Variants in LINGO1 observed in about 807,000 individuals in gnomAD.
The protein encoded by LINGO1 is leucine rich repeat and Ig domain containing 1.
In LINGO1, 11 loss-of-function variants were observed where a neutral mutation model predicts 37.3. The ratio of observed to expected loss-of-function variants is 0.29; its 90% confidence interval spans 0.19 to 0.49. The LOEUF is 0.49. Ranked by LOEUF, LINGO1 falls within the 20% of genes least tolerant of loss-of-function variation. LINGO1 has a pLI of 0.99. For synonymous variants in LINGO1, 387 were observed against 403.0 expected (o/e 0.96, Z 0.48); for missense variants, 585 against 878.2 (o/e 0.67, Z 4.22).
intron 2 of LINGO1, among the ~76,000 whole-genome samples, chr15:77,682,280 G>A (rs2075429159): frequency 1.0e-5 from 1 of 96,910 alleles, no homozygotes; most frequent in Non-Finnish European, 2.1e-5. Context: ...AGATTAAAGT[G>A]TGTGTGTGTG....
At chr15:77,806,170 C>T (rs2076958154) in intron 1 of LINGO1, among the ~76,000 whole-genome samples, 1 of 152,158 alleles carries the variant, frequency 6.6e-6, no homozygotes, top group Non-Finnish European at 1.5e-5. Flanking sequence ...GGAGGGCTTC[C>T]CGGCAGATAA....
rs183641407 is a variant in LINGO1 at position 77,685,137 on chromosome 15, G to C, written c.-99+5583C>G. Among the ~76,000 whole-genome samples the C allele has an allele frequency of 6.0e-5, 9 of 150,752 alleles. No homozygotes were observed. In the East Asian group the frequency reaches 1.8e-3, roughly 30 times the overall value. Reference sequence around the variant, plus strand: ...GAGTCATTGGTTGTGGCTGGAGCAAGGTGGGAAGCTGCAGGGGATGGGGTG... The same window carrying C: ...GAGTCATTGGTTGTGGCTGGAGCAACGTGGGAAGCTGCAGGGGATGGGGTG... On this transcript the variant is annotated intron_variant, in intron 2 of 3. Transcript: ENST00000559893.
At chr15:77,755,016 T>C (rs2076406334) in intron 1 of LINGO1, among the ~76,000 whole-genome samples, 1 of 152,138 alleles carries the variant, frequency 6.6e-6, no homozygotes, top group South Asian at 2.1e-4. Context: ...AGGTATGGCC[T>C]CTCCCTCTGC....
intron 3 of LINGO1, among the ~76,000 whole-genome samples, chr15:77,653,590 C>T (rs983426703): frequency 9.2e-5 from 14 of 152,146 alleles, no homozygotes; most frequent in African/African-American, 3.4e-4. Flanking sequence ...ATCTGTTAAA[C>T]GAGGCACGGG....
intron 1 of LINGO1, among the ~76,000 whole-genome samples, chr15:77,818,459 C>A (rs2077066166): frequency 6.6e-6 from 1 of 152,178 alleles, no homozygotes; most frequent in African/African-American, 2.4e-5. Flanking sequence ...TAGAGTGAGG[C>A]ACGCGGGGGC....
At chr15:77,801,624 A>G (rs1414409996) in intron 1 of LINGO1, among the ~76,000 whole-genome samples, 1 of 151,740 alleles carries the variant, frequency 6.6e-6, no homozygotes, top group Admixed American at 6.6e-5. Flanking sequence ...TCAGACCCTA[A>G]TAGGAAATGC....
chr15:77,622,438 TC>T (rs907525437), intron 1 of LINGO1, among the ~76,000 whole-genome samples: 6 of 152,068 alleles, frequency 3.9e-5, no homozygotes, highest in African/African-American at 1.2e-4. Context: ...CACAGCCCCG[TC>T]CCGGCCACTC....
chr15:77,723,860 C>T (rs1411486426), intron 2 of LINGO1, among the ~76,000 whole-genome samples: 1 of 151,998 alleles, frequency 6.6e-6, no homozygotes, highest in Non-Finnish European at 1.5e-5. Flanking sequence ...GGAGCCGAGG[C>T]GGCTGTGAGG....
intron 1 of LINGO1, among the ~76,000 whole-genome samples, chr15:77,808,989 A>T (rs1401916838): frequency 1.3e-5 from 2 of 152,228 alleles, no homozygotes; most frequent in Admixed American, 1.3e-4. Context: ...CGTGCCGGCT[A>T]GGAGCAAAGG....
At position 77,615,057 on chromosome 15, in the gene LINGO1, G is replaced by A. The variant is rs2073656164; in HGVS notation, c.850C>T (p.Arg284Cys). 2.5e-6 allele frequency: 4 copies of A among 1,613,908 alleles called. No individual in the cohort carries two copies. Among genetic ancestry groups the A allele is most frequent in the Non-Finnish European group, 3.4e-6 (4 of 1,179,908 alleles). Residue 284 changes from arginine (R) to cysteine (C), a missense_variant, in exon 2 of 2, where the codon CGC (arginine) becomes TGC (cysteine). Physicochemically the swap from Arg to Cys is radical, Grantham distance 180. Transcript: ENST00000355300. ...NLTAVPYLAV[R>C]HLVYLRFLNL... ...AGGAAGCGGAGATAGACTAGGTGGC[G>A]GACGGCCAGGTAGGGCACAGCGGTC...
intron 2 of LINGO1, among the ~76,000 whole-genome samples, chr15:77,687,388 C>T (rs967366377): frequency 6.6e-6 from 1 of 152,172 alleles, no homozygotes; most frequent in Non-Finnish European, 1.5e-5. Context: ...GTGAAAAGCC[C>T]AGGACTCTCT....
chr15:77,686,889 C>A (rs985261581), intron 2 of LINGO1, among the ~76,000 whole-genome samples: 1 of 152,204 alleles, frequency 6.6e-6, no homozygotes, highest in Non-Finnish European at 1.5e-5. Flanking sequence ...CCCACTAGCC[C>A]TGTGGGCAGG....
intron 1 of LINGO1, among the ~76,000 whole-genome samples, chr15:77,621,496 T>G (rs552438790): frequency 2.6e-4 from 40 of 152,146 alleles, no homozygotes; most frequent in Non-Finnish European, 5.0e-4. Context: ...GGGGCAGAGC[T>G]CTGTGTCTCC....
At chr15:77,677,193 A>C (rs976725533) in intron 2 of LINGO1, 1 of 152,324 alleles carries the variant, frequency 6.6e-6, no homozygotes, top group Non-Finnish European at 1.5e-5. Context: ...GAAGAGCAAG[A>C]AAGTTAGTGG....
chr15:77,729,640 T>A (rs1292740674), intron 2 of LINGO1, among the ~76,000 whole-genome samples: 2 of 152,148 alleles, frequency 1.3e-5, no homozygotes, highest in Non-Finnish European at 2.9e-5. Context: ...CTCTCCACAC[T>A]CTGAGCTGCC....
intron 1 of LINGO1, among the ~76,000 whole-genome samples, chr15:77,781,304 G>A (rs1412264691): frequency 6.6e-6 from 1 of 152,178 alleles, no homozygotes; most frequent in African/African-American, 2.4e-5. Flanking sequence ...GAGCCAGCCA[G>A]GAATCAATGT....
rs146510009 is a variant in LINGO1 at position 77,731,654 on chromosome 15, C to T, written c.-195+3338G>A. Among the ~76,000 whole-genome samples the T allele has an allele frequency of 2.0e-5, 3 of 152,296 alleles. No homozygotes were observed. In the East Asian group the frequency reaches 5.8e-4, roughly 29 times the overall value. On this transcript the variant is annotated intron_variant, in intron 2 of 3. Transcript: ENST00000561686. The stretch of plus-strand genomic sequence containing the variant: ...TCCTCCCTGCCACCATCCCAATGTG[C>T]TAGGCCTCTCCGCTCAACCCCAGCA...
chr15:77,730,990 C>T (rs957571330), intron 2 of LINGO1, among the ~76,000 whole-genome samples: 9 of 152,206 alleles, frequency 5.9e-5, no homozygotes, highest in Non-Finnish European at 8.8e-5. Context: ...CCACAACTGC[C>T]TAGCTGTGTG....
intron 1 of LINGO1, among the ~76,000 whole-genome samples, chr15:77,811,663 C>T (rs116672387): frequency 0.017 from 2,665 of 152,292 alleles, 57 homozygotes; most frequent in African/African-American, 0.057. Context: ...GGCCTCAGTC[C>T]GCTCATCTAT....
Sources: allele counts gnomAD v4.1 joint callset (sites outside exome capture counted in the v4.1 genomes callset), GRCh38; gene constraint gnomAD v4.1.1; transcripts MANE v1.5; gene names NCBI Gene and HGNC (gene_info 2026-07-23, HGNC 2026-07-21).